The following TBC1D15 variants were observed in gnomAD, a reference collection of about 807,000 sequenced individuals.
TBC1D15 encodes GAP for RAB7.
A neutral mutation model predicts 95.4 loss-of-function variants in TBC1D15; 39 were observed. The observed-to-expected ratio is 0.41, with a 90% confidence interval of 0.32 to 0.53. TBC1D15 has a LOEUF of 0.53. Among genes scored for constraint, TBC1D15 ranks in the 20% least tolerant of loss-of-function variants. TBC1D15 has a pLI of 0.29. For synonymous variants in TBC1D15, 258 were observed against 261.3 expected (o/e 0.99, Z 0.12); for missense variants, 733 against 794.3 (o/e 0.92, Z 0.93).
At chr12:71,849,556 A>G (rs1887227756) in intron 1 of TBC1D15, 1 of 704,410 alleles carries the variant, frequency 1.4e-6, no homozygotes, top group Admixed American at 1.9e-5. Context: ...ATCACGTTAC[A>G]GTGGCTGTCC....
At chr12:71,840,169 G>A (rs328764) in intron 1 of TBC1D15, among the ~76,000 whole-genome samples, 29,853 of 152,174 alleles carry the variant, frequency 0.2, 3,265 homozygotes, top group South Asian at 0.3. Context: ...TCTGACTCCA[G>A]CGTCTTTTCT....
chr12:71,899,612 C>A (rs935976244), intron 10 of TBC1D15, among the ~76,000 whole-genome samples: 1 of 152,022 alleles, frequency 6.6e-6, no homozygotes, highest in Non-Finnish European at 1.5e-5. Context: ...GCATACATGC[C>A]AATAAGTTGG....
rs2138757298 is a variant in TBC1D15 at position 71,898,654 on chromosome 12, G to T, written c.1183+713G>T. ...TATTACACTGTCTCTGTAATTTTAGGATAGCATTGGATAGTACTGGAACTT... is the reference window on the plus strand; with the variant it reads ...TATTACACTGTCTCTGTAATTTTAGTATAGCATTGGATAGTACTGGAACTT... On this transcript the variant is annotated intron_variant, in intron 10 of 16. Coordinates refer to ENST00000485960, the MANE Select transcript of TBC1D15 (RefSeq NM_001146213.3). Among the ~76,000 whole-genome samples the T allele has an allele frequency of 2.0e-5, 3 of 152,174 alleles. No individual in the cohort carries two copies. The South Asian group carries it at 6.2e-4, about 32-fold the overall frequency.
intron 1 of TBC1D15, chr12:71,849,941 C>G (rs111917302): frequency 5.5e-6 from 3 of 545,594 alleles, no homozygotes; most frequent in Non-Finnish European, 1.1e-5. Flanking sequence ...TAAGTTTCCC[C>G]TGAAGGGTGT....
chr12:71,849,436 C>G, intron 1 of TBC1D15: 1 of 1,128,560 alleles, frequency 8.9e-7, no homozygotes, highest in South Asian at 1.2e-5. Context: ...CAAAACACTC[C>G]ATGGGCCTCT....
intron 1 of TBC1D15, among the ~76,000 whole-genome samples, chr12:71,844,540 C>G (rs566973666): frequency 1.3e-5 from 2 of 151,958 alleles, no homozygotes; most frequent in African/African-American, 4.8e-5. Context: ...CTGATTCTCA[C>G]TCTGCCTGAG....
At chr12:71,906,472 T>C (rs1900740350) in intron 10 of TBC1D15, among the ~76,000 whole-genome samples, 2 of 152,166 alleles carry the variant, frequency 1.3e-5, no homozygotes, top group Admixed American at 6.5e-5. Context: ...TTCCAACTTA[T>C]AATGACATCT....
rs898247277 is a variant in TBC1D15 at position 71,850,199 on chromosome 12, T to C, written c.30+10388T>C. Reference sequence around the variant, plus strand: ...ATTACATAGTGAAATCTCAAATCTCTGGCTTGAAGACCTAACTCTTGGTAT... The same window carrying C: ...ATTACATAGTGAAATCTCAAATCTCCGGCTTGAAGACCTAACTCTTGGTAT... On this transcript the variant is annotated intron_variant, in intron 1 of 16. Coordinates refer to ENST00000485960, the MANE Select transcript of TBC1D15 (RefSeq NM_001146213.3). 1.7e-5 allele frequency: 10 copies of C among 573,450 alleles called. 1 individual carries two copies. In the African/African-American group the frequency reaches 1.9e-4, roughly 11 times the overall value. The allele number at this position is 573,450 out of a possible 1,614,324, so 35.5% of individuals were successfully genotyped here. A position where few individuals can be genotyped will look rare whatever the true frequency, so the allele number is the denominator to read the frequency against.
chr12:71,885,378 G>A (rs1896028072), intron 5 of TBC1D15, among the ~76,000 whole-genome samples: 1 of 152,112 alleles, frequency 6.6e-6, no homozygotes, highest in Non-Finnish European at 1.5e-5. Context: ...TTGTGATGTT[G>A]CAGCTTTAAG....
chr12:71,869,401 T>C (rs530212560), intron 1 of TBC1D15, among the ~76,000 whole-genome samples: 5 of 152,242 alleles, frequency 3.3e-5, no homozygotes, highest in Admixed American at 6.5e-5. Context: ...TGCATGCTTG[T>C]AATCCCAGCT....
intron 1 of TBC1D15, chr12:71,849,649 G>A (rs1280737805): frequency 5.3e-6 from 3 of 571,340 alleles, no homozygotes; most frequent in East Asian, 3.8e-5. Context: ...TCAGCTAGTC[G>A]GTAGTAGTTT....
intron 15 of TBC1D15, 117 bp downstream of exon 15, chr12:71,920,964 A>G (rs17110421): frequency 0.092 from 67,749 of 732,616 alleles, 3,524 homozygotes; most frequent in South Asian, 0.14. Flanking sequence ...AATTGTGTCA[A>G]TAACAGTGCT....
chr12:71,917,259 C>T (rs967685572), intron 12 of TBC1D15, among the ~76,000 whole-genome samples: 1 of 152,038 alleles, frequency 6.6e-6, no homozygotes, highest in Non-Finnish European at 1.5e-5. Context: ...TTTACAGATT[C>T]TCCAATGTAA....
chr12:71,864,806 A>G (rs757290007), intron 1 of TBC1D15, among the ~76,000 whole-genome samples: 4 of 152,080 alleles, frequency 2.6e-5, no homozygotes, highest in African/African-American at 9.7e-5. Context: ...TGCCCGGCCT[A>G]CCTACAGTTG....
At chr12:71,858,189 C>T (rs1194408148) in intron 1 of TBC1D15, among the ~76,000 whole-genome samples, 1 of 152,054 alleles carries the variant, frequency 6.6e-6, no homozygotes, top group Non-Finnish European at 1.5e-5. Context: ...TCTCCTGCCT[C>T]AGCCTCCTGA....
chr12:71,873,388 T>C (rs1339321620), intron 3 of TBC1D15, among the ~76,000 whole-genome samples: 1 of 152,208 alleles, frequency 6.6e-6, no homozygotes, highest in East Asian at 1.9e-4. Flanking sequence ...TTACATAGCA[T>C]GTATGGTCCT....
chr12:71,893,392 T>A, intron 6 of TBC1D15, 68 bp downstream of exon 6: 1 of 1,070,666 alleles, frequency 9.3e-7, no homozygotes, highest in Non-Finnish European at 1.4e-6. Context: ...ACTTCTCATC[T>A]TCTCAGAGAG....
intron 3 of TBC1D15, among the ~76,000 whole-genome samples, chr12:71,875,942 C>T (rs1274151293): frequency 2.6e-5 from 4 of 151,976 alleles, no homozygotes; most frequent in Admixed American, 6.6e-5. Flanking sequence ...GGACTACAGG[C>T]GCGCACGTCA....
Position 71,884,959 on chromosome 12 carries a change from C to CT in TBC1D15, c.495dup (p.His166SerfsTer5). The stretch of plus-strand genomic sequence containing the variant: ...ATGACGTCGTTCTCCCTGCTCTACA[C>CT]TTTCATCAAGGAGATAGCAAACTAC... On this transcript the variant is annotated frameshift_variant, in exon 5 of 17. Coordinates refer to ENST00000485960, the MANE Select transcript of TBC1D15 (RefSeq NM_001146213.3). LOFTEE classifies it high-confidence loss of function. 6.2e-7 allele frequency: 1 copy of CT among 1,614,016 alleles called. No individual in the cohort carries two copies. The highest frequency in any genetic ancestry group is 1.1e-5 in the South Asian group (1 of 91,078).
Sources: gnomAD v4.1 joint callset for allele counts (sites outside exome capture counted in the v4.1 genomes callset) on GRCh38, gnomAD v4.1.1 for gene constraint, MANE v1.5 for transcripts, NCBI Gene and HGNC (gene_info 2026-07-23, HGNC 2026-07-21) for gene names.